SVEP1: variants seen among roughly 807,000 people sequenced by gnomAD.
SVEP1 encodes the protein sushi, von Willebrand factor type A, EGF and pentraxin domain-containing protein 1.
SVEP1 carries 164 observed loss-of-function variants against 367.3 expected under a neutral mutation model. The ratio of observed to expected loss-of-function variants is 0.45; its 90% CI spans 0.39 to 0.51. SVEP1 has a LOEUF of 0.51. SVEP1 is among the 20% of genes least tolerant of loss of function. The pLI, the probability that SVEP1 is intolerant of heterozygous loss-of-function variation, is 0.00. For synonymous variants in SVEP1, 1,666 were observed against 1,611.6 expected, an observed-to-expected ratio of 1.03 and a Z score of -0.81; for missense variants, 4,117 against 4,425.3, an observed-to-expected ratio of 0.93 and a Z score of 1.98.
Position 110,411,188 on chromosome 9 carries a change from C to T in SVEP1, c.6523G>A (p.Gly2175Arg). Residue 2175 changes from glycine to arginine, a missense_variant, in exon 37 of 48, where the codon GGG becomes AGG. Gly to Arg is a moderately radical substitution (Grantham distance 125). Coordinates refer to ENST00000374469, the MANE Select transcript of SVEP1 (RefSeq NM_153366.4). ...TTCTTTTCCCCTTTGATGTAGAACCCCTTGTTGCAGCTGTAAGCCACCATG... is the reference window on the plus strand; with the variant it reads ...TTCTTTTCCCCTTTGATGTAGAACCTCTTGTTGCAGCTGTAAGCCACCATG... ...GAMVAYSCNKGFYIKGEKKST... is the reference protein window; with the variant it reads ...GAMVAYSCNKRFYIKGEKKST... The T allele has an allele frequency of 6.2e-7, 1 of 1,614,014 alleles. No homozygotes were observed. Among genetic ancestry groups the T allele is most frequent in the Non-Finnish European group, 8.5e-7 (1 of 1,179,888 alleles).
intron 44 of SVEP1, among the ~76,000 whole-genome samples, 167 bp from the exon 45 acceptor site, chr9:110,377,533 G>A (rs1203667077): frequency 6.6e-6 from 1 of 152,182 alleles, no homozygotes; most frequent in Non-Finnish European, 1.5e-5. Context: ...GAGAAGTACA[G>A]CATTTTATTG....
At chr9:110,424,258 G>C (rs1333031342) in intron 36 of SVEP1, among the ~76,000 whole-genome samples, 1 of 152,058 alleles carries the variant, frequency 6.6e-6, no homozygotes, top group African/African-American at 2.4e-5. Flanking sequence ...CCAGTAAGAT[G>C]GTAATTTAGA....
rs1325864891 is a variant in SVEP1 at position 110,375,438 on chromosome 9, G to A, written c.10530C>T (p.Asn3510=). The A allele has an allele frequency of 1.9e-5, 20 of 1,027,458 alleles. No individual in the cohort carries two copies. Among genetic ancestry groups the A allele is most frequent in the Middle Eastern group, 2.7e-4 (1 of 3,696 alleles). The allele number at this position is 1,027,458 out of a possible 1,614,324, so 63.6% of individuals were successfully genotyped here. ...EEPICILPCL[N]GGRCVAPYQC... is the part of the protein sequence containing the mutation. ...GGTAAGGGGCCACACAGCGACCTCC[G>A]TTCAGACAGGGAAGAATGCAGATTG... Residue 3510 remains asparagine, a synonymous_variant, in exon 46 of 48, where the codon AAC becomes AAT. Coordinates refer to ENST00000374469, the MANE Select transcript of SVEP1 (RefSeq NM_153366.4).
At chr9:110,501,618 G>T (rs1220846151) in intron 6 of SVEP1, among the ~76,000 whole-genome samples, 1 of 151,992 alleles carries the variant, frequency 6.6e-6, no homozygotes, top group Non-Finnish European at 1.5e-5. Flanking sequence ...TAAACAATGT[G>T]AGCATATTTT....
In SVEP1 at chr9:110,564,773, T is replaced by C. The variant is rs186083645; in HGVS notation, c.531+14240A>G. 1.1e-3 allele frequency among the ~76,000 whole-genome samples: 148 copies of C among 134,946 alleles called. 1 individual carries two copies. The highest frequency in any genetic ancestry group is 3.5e-3 in the African/African-American group (139 of 40,138). The allele number at this position is 134,946 out of a possible 152,430, so 88.5% of individuals were successfully genotyped here. A position where few individuals can be genotyped will look rare whatever the true frequency, so the allele number is the denominator to read the frequency against. On this transcript the variant is annotated intron_variant, in intron 1 of 47. Transcript: ENST00000374469. The stretch of plus-strand genomic sequence containing the variant: ...AAATTAAAACCCAAATGATTCAGGG[T>C]TGACTTTGATTCATAGATCAGAAGA...
At chr9:110,394,095 G>A (rs982951916) in intron 40 of SVEP1, among the ~76,000 whole-genome samples, 3 of 152,116 alleles carry the variant, frequency 2.0e-5, no homozygotes, top group African/African-American at 7.2e-5. Context: ...AGCCTAACTG[G>A]GAGGCACCCC....
intron 3 of SVEP1, among the ~76,000 whole-genome samples, chr9:110,538,332 A>T (rs1392985631): frequency 6.6e-6 from 1 of 152,074 alleles, no homozygotes. Flanking sequence ...TAAATTCCTT[A>T]TACCTTACAA....
intron 3 of SVEP1, among the ~76,000 whole-genome samples, chr9:110,538,322 T>C (rs1354724844): frequency 6.6e-6 from 1 of 152,080 alleles, no homozygotes; most frequent in Non-Finnish European, 1.5e-5. Flanking sequence ...ATACATTGTA[T>C]AAATTCCTTA....
At chr9:110,453,208 G>A (rs919060200) in intron 22 of SVEP1, among the ~76,000 whole-genome samples, 1 of 151,912 alleles carries the variant, frequency 6.6e-6, no homozygotes, top group Non-Finnish European at 1.5e-5. Flanking sequence ...TATCTTTTTA[G>A]TATAATAATG....
rs199993986 is a variant in SVEP1 at position 110,511,488 on chromosome 9, C to CTTTTTTTTTTTTTTTTTTTT, written c.1303+1418_1303+1437dup. 4.6e-4 allele frequency among the ~76,000 whole-genome samples: 36 copies of CTTTTTTTTTTTTTTTTTTTT among 77,570 alleles called. 4 individuals are homozygous for CTTTTTTTTTTTTTTTTTTTT. Among genetic ancestry groups the CTTTTTTTTTTTTTTTTTTTT allele is most frequent in the South Asian group, 8.1e-4 (2 of 2,466 alleles). 50.9% of individuals were successfully genotyped at this position (77,570 alleles called of 152,430 possible). ...CTAGGTCCATTCATTGTGTCAGTAC[C>CTTTTTTTTTTTTTTTTTTTT]TTTTTTTTTTTTTTTTTTTTTTTTT... On this transcript the variant is annotated intron_variant, in intron 5 of 47. Transcript: ENST00000374469.
At chr9:110,428,869 G>A (rs1469324966) in intron 35 of SVEP1, among the ~76,000 whole-genome samples, 2 of 152,096 alleles carry the variant, frequency 1.3e-5, no homozygotes, top group Non-Finnish European at 2.9e-5. Context: ...TCAAGAGTTC[G>A]AGACTAGTCT....
intron 9 of SVEP1, among the ~76,000 whole-genome samples, chr9:110,487,201 C>T (rs1404784662): frequency 6.6e-6 from 1 of 152,336 alleles, no homozygotes; most frequent in East Asian, 1.9e-4. Flanking sequence ...GGTGATCTGC[C>T]TGCCTTGGCC....
At chr9:110,413,564 GGT>G (rs1564136216) in intron 36 of SVEP1, among the ~76,000 whole-genome samples, 1 of 151,474 alleles carries the variant, frequency 6.6e-6, no homozygotes, top group Non-Finnish European at 1.5e-5. Context: ...TAAAATAAAA[GGT>G]GTCTTCTGCA....
rs139464126 is a variant in SVEP1 at position 110,566,916 on chromosome 9, C to T, written c.531+12097G>A. 2.2e-3 allele frequency among the ~76,000 whole-genome samples: 334 copies of T among 152,276 alleles called. 1 individual carries two copies. The highest frequency in any genetic ancestry group is 0.01 in the Middle Eastern group (3 of 292). The stretch of plus-strand genomic sequence containing the variant: ...AATTTGTGGGAAAACAGGTAGGAGT[C>T]CACATCTGTCTGAGATCCTTCCAAA... On this transcript the variant is annotated intron_variant, in intron 1 of 47. Transcript: ENST00000374469.
chr9:110,504,599 G>T (rs1829594491), intron 5 of SVEP1, among the ~76,000 whole-genome samples: 1 of 152,176 alleles, frequency 6.6e-6, no homozygotes, highest in Non-Finnish European at 1.5e-5. Flanking sequence ...ACCTACTTCT[G>T]TCCTTGTTTT....
chr9:110,511,965 G>C (rs1485467996), intron 5 of SVEP1, among the ~76,000 whole-genome samples: 1 of 152,130 alleles, frequency 6.6e-6, no homozygotes, highest in Non-Finnish European at 1.5e-5. Context: ...TGGGAGTAAA[G>C]TTGCCAGATT....
At chr9:110,549,294 T>C (rs1830254945) in intron 2 of SVEP1, among the ~76,000 whole-genome samples, 1 of 152,142 alleles carries the variant, frequency 6.6e-6, no homozygotes, top group African/African-American at 2.4e-5. Context: ...TTATAAGTGA[T>C]GCACAGAAAG....
intron 1 of SVEP1, among the ~76,000 whole-genome samples, chr9:110,577,693 A>G (rs543795922): frequency 1.7e-4 from 26 of 152,264 alleles, no homozygotes; most frequent in African/African-American, 6.0e-4. Flanking sequence ...CAACATATAC[A>G]CAAAAGAATT....
Position 110,545,199 on chromosome 9 carries a change from G to A in SVEP1, c.964+916C>T, listed in dbSNP as rs148970461. ...ACCCTGAGGTTGATTCCATATCTTG[G>A]CTATTATGAATGGTGGTACAAGAAA... On this transcript the variant is annotated intron_variant, in intron 3 of 47. Coordinates refer to ENST00000374469, the MANE Select transcript of SVEP1 (RefSeq NM_153366.4). Among the ~76,000 whole-genome samples, 646 of 152,172 alleles carry A rather than the reference G, an allele frequency of 4.2e-3. 2 individuals carry two copies. The highest frequency in any genetic ancestry group is 7.3e-3 in the Non-Finnish European group (499 of 68,004).
Sources: allele counts gnomAD v4.1 joint callset (sites outside exome capture counted in the v4.1 genomes callset), GRCh38; gene constraint gnomAD v4.1.1; transcripts MANE v1.5; gene names NCBI Gene and HGNC (gene_info 2026-07-23, HGNC 2026-07-21).